Variants in VWA8 observed in about 807,000 individuals in gnomAD.
VWA8 encodes the protein von Willebrand factor A domain containing 8, also known as von Willebrand factor A domain-containing protein 8.
Under a neutral mutation model 241.5 loss-of-function variants are expected in VWA8, and 221 were observed. The observed-to-expected ratio is 0.91, with a 90% CI of 0.82 to 1.02. The LOEUF (loss-of-function observed/expected upper bound fraction) is 1.02. VWA8 is among the 50% of genes least tolerant of loss of function. The pLI is 0.00. For synonymous variants in VWA8, 852 were observed against 827.1 expected, an observed-to-expected ratio of 1.03 and a Z score of -0.52; for missense variants, 2,322 against 2,328.7, an observed-to-expected ratio of 1.00 and a Z score of 0.06.
intron 5 of VWA8, among the ~76,000 whole-genome samples, chr13:41,890,283 G>A (rs1276142284): frequency 6.6e-6 from 1 of 152,214 alleles, no homozygotes; most frequent in East Asian, 1.9e-4. Flanking sequence ...CACAGATCTT[G>A]CTCGTGATCA....
chr13:41,943,264 A>G lies in VWA8; in HGVS notation c.241+6672T>C, dbSNP rs567769609. ...ACACAAATACAAATTTCCAGTATCA[A>G]GAACAAAATAGAGAATTATCACTAT... On this transcript the variant is annotated intron_variant, in intron 2 of 44. Transcript: ENST00000379310. 1.7e-3 allele frequency among the ~76,000 whole-genome samples: 259 copies of G among 152,340 alleles called. 2 individuals are homozygous for G. Among genetic ancestry groups the G allele is most frequent in the African/African-American group, 5.7e-3 (238 of 41,578 alleles).
At chr13:41,613,040 T>G (rs1305523633) in intron 38 of VWA8, among the ~76,000 whole-genome samples, 1 of 152,206 alleles carries the variant, frequency 6.6e-6, no homozygotes, top group East Asian at 1.9e-4. Flanking sequence ...AATTAGGCAA[T>G]TTCTAGTTTT....
At chr13:41,805,995 C>CAAAAA (rs1215137704) in intron 17 of VWA8, among the ~76,000 whole-genome samples, 3 of 86,516 alleles carry the variant, frequency 3.5e-5, no homozygotes, top group Non-Finnish European at 5.1e-5. Flanking sequence ...TTAAAAAATT[C>CAAAAA]AAAAATAAAA....
intron 42 of VWA8, among the ~76,000 whole-genome samples, chr13:41,586,244 G>A (rs1593632544): frequency 6.6e-6 from 1 of 152,228 alleles, no homozygotes; most frequent in East Asian, 1.9e-4. Flanking sequence ...TGGTCTGCAA[G>A]CCATGAGACA....
At chr13:41,747,705 A>G (rs926788762) in intron 21 of VWA8, among the ~76,000 whole-genome samples, 9 of 152,166 alleles carry the variant, frequency 5.9e-5, no homozygotes, top group South Asian at 4.2e-4. Context: ...TCCAGTTTTC[A>G]CCCATTCAGT....
chr13:41,887,473 AACAC>A, intron 5 of VWA8, 112 bp from the exon 6 acceptor site: 2 of 1,174,498 alleles, frequency 1.7e-6, no homozygotes, highest in Non-Finnish European at 2.4e-6. Context: ...TGTATTGGAG[AACAC>A]TCTCAAATCC....
rs1283899393 is a variant in VWA8 at position 41,691,350 on chromosome 13, T to C, written c.3836A>G (p.Lys1279Arg). The C allele has an allele frequency of 2.5e-6, 4 of 1,612,496 alleles. No individual in the cohort carries two copies. In the African/African-American group the frequency reaches 4.0e-5, roughly 16 times the overall value. ...LKTVFLVAED[K>R]WLLVESKTNQ... ...TGTTTTGCTCTCCACCAGAAGCCAT[T>C]TGTCCTCTGCTACAAGGAAAACTGT... is the stretch of plus-strand genomic sequence containing the variant. Residue 1279 changes from lysine (K) to arginine (R), a missense_variant, in exon 32 of 45, where the codon AAA becomes AGA. Coordinates refer to ENST00000379310, the MANE Select transcript of VWA8 (RefSeq NM_015058.2).
In VWA8 at chr13:41,615,081, T is replaced by C. The variant is rs2044612685; in HGVS notation, c.4615A>G (p.Thr1539Ala). ...IGQDDRNMQI[T>A]INRDSGEDVS... The stretch of plus-strand genomic sequence containing the variant: ...TCTTCACCACTGTCTCTGTTGATTG[T>C]TATCTAAAAATGAACAATTGAGACA... Residue 1539 changes from threonine to alanine, a missense_variant, in exon 38 of 45, where the codon ACA (threonine) becomes GCA (alanine). Thr to Ala is a moderately conservative substitution (Grantham distance 58). Transcript: ENST00000379310. The C allele has an allele frequency of 1.9e-6, 3 of 1,613,912 alleles. No homozygotes were observed.
At chr13:41,685,722 T>TA (rs953893199) in intron 34 of VWA8, among the ~76,000 whole-genome samples, 6 of 152,120 alleles carry the variant, frequency 3.9e-5, no homozygotes, top group Admixed American at 6.6e-5. Flanking sequence ...AGGAATTAGT[T>TA]AAAAAATAAA....
In VWA8 at chr13:41,883,386, C is replaced by CTTT. The variant is rs748523970; in HGVS notation, c.1080_1080+1insAAA (p.Lys360dup). The CTTT allele has an allele frequency of 1.2e-5, 19 of 1,607,268 alleles. No homozygotes were observed. In the Admixed American group the frequency reaches 3.2e-4, roughly 27 times the overall value. On this transcript the variant is annotated inframe_insertion and splice_region_variant. Coordinates refer to ENST00000379310, the MANE Select transcript of VWA8 (RefSeq NM_015058.2). ...GGAAAGAAAGGGAAGCAGACACTCA[C>CTTT]CTTTAAAACACCTTCCACAGCCATC...
rs766170596 is a variant in VWA8, at chr13:41,777,971, T to C, written c.2349+14A>G. On this transcript the variant is annotated intron_variant, in intron 20 of 44. Coordinates refer to ENST00000379310, the MANE Select transcript of VWA8 (RefSeq NM_015058.2). ...CATTTTTTCATTGGTACCTAGATTT[T>C]AGCCATAACTCACCTGGTTGCCAAC... is the stretch of plus-strand genomic sequence containing the variant. The C allele has an allele frequency of 1.2e-5, 19 of 1,596,996 alleles. No individual in the cohort carries two copies. Among genetic ancestry groups the C allele is most frequent in the Middle Eastern group, 1.7e-4 (1 of 6,038 alleles).
intron 26 of VWA8, among the ~76,000 whole-genome samples, chr13:41,718,298 A>G (rs2045360001): frequency 1.3e-5 from 2 of 151,970 alleles, no homozygotes; most frequent in Admixed American, 1.3e-4. Context: ...GAAAATTTAT[A>G]ATAGAAAGTT....
intron 2 of VWA8, among the ~76,000 whole-genome samples, chr13:41,944,247 A>T (rs1180872415): frequency 6.6e-6 from 1 of 152,092 alleles, no homozygotes; most frequent in Non-Finnish European, 1.5e-5. Flanking sequence ...GTCAAACTCA[A>T]CTTCTTTAGA....
chr13:41,642,572 A>G (rs1199143163), intron 37 of VWA8, among the ~76,000 whole-genome samples: 3 of 151,050 alleles, frequency 2.0e-5, no homozygotes, highest in South Asian at 2.1e-4. Context: ...CAAAAAAAAA[A>G]AAAAAAGAAA....
At chr13:41,750,215 A>G (rs1387642885) in intron 21 of VWA8, among the ~76,000 whole-genome samples, 1 of 152,002 alleles carries the variant, frequency 6.6e-6, no homozygotes, top group African/African-American at 2.4e-5. Flanking sequence ...CGGGCAGATC[A>G]CAAGGTCAAG....
intron 14 of VWA8, among the ~76,000 whole-genome samples, chr13:41,830,116 G>T (rs1211099960): frequency 6.6e-6 from 1 of 151,506 alleles, no homozygotes; most frequent in Non-Finnish European, 1.5e-5. Context: ...AGTGGCGGGC[G>T]CCTGTGTTCC....
In VWA8 at chr13:41,865,730, C is replaced by T. The variant is rs752666957; in HGVS notation, c.1425+6G>A. The T allele has an allele frequency of 2.5e-6, 4 of 1,613,226 alleles. No individual in the cohort carries two copies. The South Asian group carries it at 3.3e-5, about 13-fold the overall frequency. On this transcript the variant is annotated splice_donor_region_variant and intron_variant, in intron 12 of 44. Transcript: ENST00000379310. Reference sequence around the variant, plus strand: ...GTCCAAGTGCAGCTAAAAATGAACACTGTACCTGATAGAGCATAATAGGTT... The same window carrying T: ...GTCCAAGTGCAGCTAAAAATGAACATTGTACCTGATAGAGCATAATAGGTT...
intron 9 of VWA8, among the ~76,000 whole-genome samples, chr13:41,881,846 G>C (rs1387351017): frequency 7.1e-6 from 1 of 140,318 alleles, no homozygotes; most frequent in East Asian, 2.1e-4. Flanking sequence ...GCGGCTGGCC[G>C]GGCGGGGGGC....
intron 1 of VWA8, among the ~76,000 whole-genome samples, chr13:41,957,672 T>C (rs1878409955): frequency 6.6e-6 from 1 of 152,190 alleles, no homozygotes; most frequent in African/African-American, 2.4e-5. Context: ...AAAAAGTTGA[T>C]AATTATAAAT....
Sources: gnomAD v4.1 joint callset for allele counts (sites outside exome capture counted in the v4.1 genomes callset) on GRCh38, gnomAD v4.1.1 for gene constraint, MANE v1.5 for transcripts, NCBI Gene and HGNC (gene_info 2026-07-23, HGNC 2026-07-21) for gene names.